DCC: variants seen among roughly 807,000 people sequenced by gnomAD.
DCC encodes DCC netrin 1 receptor, also known as netrin receptor DCC.
A neutral mutation model predicts 172.5 loss-of-function variants in DCC; 58 were observed. The ratio of observed to expected loss-of-function variants is 0.34; its 90% confidence interval spans 0.27 to 0.42. The LOEUF (loss-of-function observed/expected upper bound fraction) is 0.42. Ranked by LOEUF, DCC falls within the 10% of genes least tolerant of loss-of-function variation. The pLI, the probability that DCC is intolerant of heterozygous loss-of-function variation, is 1.00. For missense variants in DCC, 1,740 were observed against 1,791.0 expected, an observed-to-expected ratio of 0.97 and a Z score of 0.51; for synonymous variants, 709 against 644.5, an observed-to-expected ratio of 1.10 and a Z score of -1.52.
chr18:52,795,262 T>G (rs1445208899), intron 2 of DCC, among the ~76,000 whole-genome samples: 1 of 152,202 alleles, frequency 6.6e-6, no homozygotes, highest in East Asian at 1.9e-4. Flanking sequence ...TCCTGAACTT[T>G]TCTTTATTGG....
chr18:53,369,544 C>T (rs1049104659), intron 15 of DCC, among the ~76,000 whole-genome samples: 3 of 151,800 alleles, frequency 2.0e-5, no homozygotes, highest in African/African-American at 4.8e-5. Flanking sequence ...TGAAAGTGGG[C>T]ATCCTTGTCT....
intron 22 of DCC, among the ~76,000 whole-genome samples, chr18:53,440,891 A>G (rs1301670552): frequency 6.6e-6 from 1 of 152,164 alleles, no homozygotes; most frequent in African/African-American, 2.4e-5. Flanking sequence ...CCGGATCTCA[A>G]TTTTCATCTG....
intron 1 of DCC, among the ~76,000 whole-genome samples, chr18:52,551,473 C>A (rs1190792568): frequency 6.6e-6 from 1 of 151,940 alleles, no homozygotes; most frequent in Non-Finnish European, 1.5e-5. Context: ...AAGGAATACT[C>A]ACACTTCAGA....
chr18:52,521,682 G>A (rs1044207606), intron 1 of DCC, among the ~76,000 whole-genome samples: 4 of 152,026 alleles, frequency 2.6e-5, no homozygotes, highest in African/African-American at 9.7e-5. Context: ...ACAGGAATCT[G>A]GGTTACACTA....
At chr18:52,722,764 T>C (rs747015676) in intron 1 of DCC, among the ~76,000 whole-genome samples, 4 of 152,180 alleles carry the variant, frequency 2.6e-5, no homozygotes, top group Non-Finnish European at 4.4e-5. Context: ...ACTAAGGGTC[T>C]CCTTTCACCA....
chr18:52,706,131 G>T (rs1297494323), intron 1 of DCC, among the ~76,000 whole-genome samples: 1 of 152,022 alleles, frequency 6.6e-6, no homozygotes, highest in African/African-American at 2.4e-5. Flanking sequence ...AATGTATAGA[G>T]GTCATAAAGT....
At position 53,392,523 on chromosome 18, in the gene DCC, AT is replaced by A. The variant is rs536161857; in HGVS notation, c.2688+639del. Among the ~76,000 whole-genome samples, 433 of 152,272 alleles carry A rather than the reference AT, an allele frequency of 2.8e-3. 4 individuals carry two copies. Among genetic ancestry groups the A allele is most frequent in the African/African-American group, 9.9e-3 (411 of 41,540 alleles). On this transcript the variant is annotated intron_variant, in intron 17 of 28. Coordinates refer to ENST00000442544, the MANE Select transcript of DCC (RefSeq NM_005215.4). The stretch of plus-strand genomic sequence containing the variant: ...CTTTAAGAGCTCCTCAGAGATACAT[AT>A]TTGAGACAGTCATTACCAGTTTCAA...
chr18:52,606,689 A>G (rs1366902993), intron 1 of DCC, among the ~76,000 whole-genome samples: 1 of 152,214 alleles, frequency 6.6e-6, no homozygotes, highest in Non-Finnish European at 1.5e-5. Context: ...AATACTTGAT[A>G]TCAATCATTA....
At chr18:52,584,821 C>G (rs373583762) in intron 1 of DCC, among the ~76,000 whole-genome samples, 2,182 of 151,840 alleles carry the variant, frequency 0.014, 67 homozygotes, top group African/African-American at 0.05. Context: ...ATTACCGAGA[C>G]GAGCCACTGC....
At chr18:52,502,835 T>G (rs9963768) in intron 1 of DCC, among the ~76,000 whole-genome samples, 72 of 152,350 alleles carry the variant, frequency 4.7e-4, no homozygotes, top group African/African-American at 1.6e-3. Flanking sequence ...CATATGGAAG[T>G]GCATTCAGTG....
chr18:53,469,577 C>T (rs2045669881), intron 25 of DCC, among the ~76,000 whole-genome samples: 1 of 152,140 alleles, frequency 6.6e-6, no homozygotes, highest in Admixed American at 6.5e-5. Context: ...TAGTGCTGCT[C>T]TCTGAGTGTC....
chr18:52,902,497 A>C (rs2039824196), intron 2 of DCC, among the ~76,000 whole-genome samples: 1 of 152,188 alleles, frequency 6.6e-6, no homozygotes, highest in South Asian at 2.1e-4. Flanking sequence ...TCTAGTGAAA[A>C]TTATACCTGT....
chr18:53,372,586 C>A (rs904746189), intron 15 of DCC, among the ~76,000 whole-genome samples: 4 of 151,922 alleles, frequency 2.6e-5, no homozygotes. Flanking sequence ...CAAACTTGCA[C>A]ACGTACCCAT....
chr18:52,973,386 C>T (rs534136380), intron 5 of DCC, among the ~76,000 whole-genome samples: 92 of 152,074 alleles, frequency 6.0e-4, no homozygotes, highest in African/African-American at 2.0e-3. Flanking sequence ...TAATACGATG[C>T]TCATTTTATA....
chr18:53,048,409 G>A (rs2042287808), intron 5 of DCC, among the ~76,000 whole-genome samples: 1 of 151,484 alleles, frequency 6.6e-6, no homozygotes, highest in Admixed American at 6.6e-5. Flanking sequence ...AGTTTGCTAA[G>A]GATGATGGCC....
At chr18:53,125,413 T>A (rs2043541489) in intron 7 of DCC, among the ~76,000 whole-genome samples, 1 of 152,052 alleles carries the variant, frequency 6.6e-6, no homozygotes, top group Admixed American at 6.6e-5. Context: ...AAGTATGACT[T>A]GGATTTTCTT....
In DCC at chr18:53,299,801, C is replaced by T. The variant is rs146405565; in HGVS notation, c.1912-5777C>T. Among the ~76,000 whole-genome samples the T allele has an allele frequency of 8.5e-5, 13 of 152,226 alleles. No homozygotes were observed. The East Asian group carries it at 2.5e-3, about 30-fold the overall frequency. On this transcript the variant is annotated intron_variant, in intron 12 of 28. Transcript: ENST00000442544. ...ATGTCCTCCTTTTGACTCATGTTAT[C>T]TCAGTTAAAATTCTGCCTATTGTTG...
intron 12 of DCC, among the ~76,000 whole-genome samples, chr18:53,226,948 A>ATATATATATTTTT: frequency 5.7e-5 from 3 of 52,948 alleles, no homozygotes; most frequent in African/African-American, 1.9e-4. Flanking sequence ...ATATATATAT[A>ATATATATATTTTT]TTTTTTTTTT....
chr18:53,039,748 C>T (rs1424036832), intron 5 of DCC, among the ~76,000 whole-genome samples: 1 of 151,956 alleles, frequency 6.6e-6, no homozygotes, highest in Non-Finnish European at 1.5e-5. Context: ...AATTTCACAT[C>T]CTAATCACAA....
Sources: allele counts gnomAD v4.1 joint callset (sites outside exome capture counted in the v4.1 genomes callset), GRCh38; gene constraint gnomAD v4.1.1; transcripts MANE v1.5; gene names NCBI Gene and HGNC (gene_info 2026-07-23, HGNC 2026-07-21).